Variants in SCD5 observed in about 807,000 individuals in gnomAD.
The protein encoded by SCD5 is stearoyl-CoA desaturase 5, also known as acyl-CoA-desaturase 4.
A neutral mutation model predicts 30.4 loss-of-function variants in SCD5; 20 were observed. That is an observed-to-expected ratio of 0.66 (90% CI 0.46 to 0.96). The LOEUF is 0.96. Ranked by LOEUF, SCD5 falls within the 40% of genes least tolerant of loss-of-function variation. The pLI is 0.00. For missense variants in SCD5, 381 were observed against 443.3 expected (o/e 0.86, Z 1.26); for synonymous variants, 173 against 176.4 (o/e 0.98, Z 0.16).
At chr4:82,706,848 C>G (rs1719982437) in intron 1 of SCD5, among the ~76,000 whole-genome samples, 1 of 152,204 alleles carries the variant, frequency 6.6e-6, no homozygotes, top group African/African-American at 2.4e-5. Context: ...GTTACCAGAG[C>G]CAACAGACTT....
intron 1 of SCD5, among the ~76,000 whole-genome samples, chr4:82,780,205 TG>T (rs1434519509): frequency 6.6e-6 from 1 of 152,226 alleles, no homozygotes; most frequent in Non-Finnish European, 1.5e-5. Flanking sequence ...GCATTTTCCC[TG>T]GTGTTTCTGC....
intron 1 of SCD5, among the ~76,000 whole-genome samples, chr4:82,794,737 C>A (rs540672791): frequency 1.3e-5 from 2 of 152,016 alleles, no homozygotes; most frequent in East Asian, 3.9e-4. Flanking sequence ...GCAAGCTCCA[C>A]CTCCCAGGTT....
At chr4:82,714,004 C>T (rs896484885) in intron 1 of SCD5, among the ~76,000 whole-genome samples, 1 of 152,204 alleles carries the variant, frequency 6.6e-6, no homozygotes, top group South Asian at 2.1e-4. Context: ...ATGGCCAAGC[C>T]ACTCTCTCTT....
At chr4:82,747,180 C>T (rs1310518231) in intron 1 of SCD5, among the ~76,000 whole-genome samples, 2 of 152,104 alleles carry the variant, frequency 1.3e-5, no homozygotes, top group Non-Finnish European at 2.9e-5. Flanking sequence ...GGAACTCCCC[C>T]ATTTCAATAT....
chr4:82,679,984 A>G (rs1728533455), intron 3 of SCD5, among the ~76,000 whole-genome samples: 1 of 152,138 alleles, frequency 6.6e-6, no homozygotes, highest in African/African-American at 2.4e-5. Flanking sequence ...TTGCACATAA[A>G]TCTATTGCTT....
At position 82,789,327 on chromosome 4, in the gene SCD5, G is replaced by A. The variant is rs183053712; in HGVS notation, c.232+8979C>T. 2.5e-3 allele frequency among the ~76,000 whole-genome samples: 375 copies of A among 152,270 alleles called. 1 individual carries two copies. Among genetic ancestry groups the A allele is most frequent in the African/African-American group, 8.7e-3 (360 of 41,558 alleles). On this transcript the variant is annotated intron_variant, in intron 1 of 4. Coordinates refer to ENST00000319540, the MANE Select transcript of SCD5 (RefSeq NM_001037582.3). ...TACAAGGAGTCAGAAGGGTAGGAGG[G>A]GAAGCAAAGGGGAGGAGGCCATCAA...
chr4:82,690,156 T>C (rs1448898037), intron 2 of SCD5, among the ~76,000 whole-genome samples: 4 of 152,226 alleles, frequency 2.6e-5, no homozygotes, highest in African/African-American at 9.6e-5. Flanking sequence ...ATTCTGTCTA[T>C]GTGAAAGTGT....
At chr4:82,749,298 G>A (rs1721053958) in intron 1 of SCD5, among the ~76,000 whole-genome samples, 1 of 152,148 alleles carries the variant, frequency 6.6e-6, no homozygotes, top group Non-Finnish European at 1.5e-5. Flanking sequence ...CAGGCCTGTT[G>A]CAACACCAAA....
intron 1 of SCD5, among the ~76,000 whole-genome samples, chr4:82,766,583 G>T (rs1421382264): frequency 1.3e-5 from 2 of 152,022 alleles, no homozygotes; most frequent in African/African-American, 4.8e-5. Context: ...TGTTTCTATT[G>T]ATTGCTTTTT....
chr4:82,720,840 C>T (rs1720354913), intron 1 of SCD5, among the ~76,000 whole-genome samples: 1 of 152,134 alleles, frequency 6.6e-6, no homozygotes, highest in African/African-American at 2.4e-5. Flanking sequence ...CCTTTTGCCT[C>T]AATTTGGAAC....
intron 1 of SCD5, among the ~76,000 whole-genome samples, chr4:82,770,884 T>C (rs1040607852): frequency 1.3e-5 from 2 of 152,242 alleles, no homozygotes; most frequent in Non-Finnish European, 2.9e-5. Flanking sequence ...CATGTTCTAA[T>C]CTACACAACG....
intron 3 of SCD5, among the ~76,000 whole-genome samples, chr4:82,653,818 T>C (rs1727812233): frequency 6.6e-6 from 1 of 152,148 alleles, no homozygotes. Context: ...ATCTGAGTAA[T>C]TGTTTTTCTC....
chr4:82,752,810 C>T (rs1721134567), intron 1 of SCD5, among the ~76,000 whole-genome samples: 1 of 152,176 alleles, frequency 6.6e-6, no homozygotes, highest in African/African-American at 2.4e-5. Flanking sequence ...AATAAACTTA[C>T]TCCAGTGTTG....
chr4:82,798,223 C>CCGAGGGG, intron 1 of SCD5, 83 bp downstream of exon 1: 2 of 1,208,028 alleles, frequency 1.7e-6, no homozygotes, highest in Non-Finnish European at 2.1e-6. Context: ...CCGCCCGCAG[C>CCGAGGGG]CGAGGGGCGA....
chr4:82,637,675 G>A (rs964067552), intron 3 of SCD5, among the ~76,000 whole-genome samples: 3 of 152,238 alleles, frequency 2.0e-5, no homozygotes, highest in African/African-American at 7.2e-5. Context: ...TGTTCATAGT[G>A]TGTTCCTCCT....
chr4:82,771,198 G>T (rs1394885015), intron 1 of SCD5, among the ~76,000 whole-genome samples: 2 of 152,066 alleles, frequency 1.3e-5, no homozygotes, highest in African/African-American at 4.8e-5. Flanking sequence ...CATACTCCTG[G>T]GTTCAAGCAA....
chr4:82,697,634 T>C (rs575649925), intron 2 of SCD5, among the ~76,000 whole-genome samples: 1 of 152,340 alleles, frequency 6.6e-6, no homozygotes, highest in African/African-American at 2.4e-5. Flanking sequence ...AATTTTATTT[T>C]CTACCTTAAT....
chr4:82,691,611 T>C (rs1728838285), intron 2 of SCD5: 1 of 152,068 alleles, frequency 6.6e-6, no homozygotes, highest in Admixed American at 6.6e-5. Context: ...CCACAACTCT[T>C]ATCCTAGAGG....
intron 1 of SCD5, among the ~76,000 whole-genome samples, chr4:82,747,393 G>A (rs1161284915): frequency 1.3e-5 from 2 of 152,162 alleles, no homozygotes; most frequent in African/African-American, 4.8e-5. Context: ...CAGACTCCCT[G>A]GCTCCAAAGC....
Sources: gnomAD v4.1 joint callset for allele counts (sites outside exome capture counted in the v4.1 genomes callset) on GRCh38, gnomAD v4.1.1 for gene constraint, MANE v1.5 for transcripts, NCBI Gene and HGNC (gene_info 2026-07-23, HGNC 2026-07-21) for gene names.